HACD2: variants seen among roughly 807,000 people sequenced by gnomAD.
HACD2 encodes very-long-chain (3R)-3-hydroxyacyl-CoA dehydratase 2.
In HACD2, 15 loss-of-function variants were observed where a neutral mutation model predicts 31.0. The ratio of observed to expected loss-of-function variants is 0.48; its 90% CI spans 0.32 to 0.75. The LOEUF is 0.75. HACD2 is among the 30% of genes least tolerant of loss of function. The pLI is 0.03. For missense variants in HACD2, 283 were observed against 313.0 expected (o/e 0.90, Z 0.72); for synonymous variants, 115 against 122.2 (o/e 0.94, Z 0.39).
At chr3:123,555,667 A>G (rs553611078) in intron 3 of HACD2, among the ~76,000 whole-genome samples, 1 of 152,338 alleles carries the variant, frequency 6.6e-6, no homozygotes, top group Non-Finnish European at 1.5e-5. Context: ...GACTTGCTCT[A>G]TAGATTCAAC....
chr3:123,513,786 G>A (rs898492222), intron 4 of HACD2, among the ~76,000 whole-genome samples: 2 of 152,106 alleles, frequency 1.3e-5, no homozygotes, highest in Non-Finnish European at 2.9e-5. Context: ...TACATTGTTT[G>A]GACGGTTCGT....
rs769816425 is a variant in HACD2, at chr3:123,493,831, G to A, written c.*1057C>T. 1 of 152,172 alleles carries A rather than the reference G, an allele frequency of 6.6e-6. No individual in the cohort carries two copies. Among genetic ancestry groups the A allele is most frequent in the East Asian group, 1.9e-4 (1 of 5,200 alleles). The allele number at this position is 152,172 out of a possible 1,614,324, so 9.4% of individuals were successfully genotyped here. On this transcript the variant is annotated 3_prime_UTR_variant, in exon 7 of 7. Coordinates refer to ENST00000383657, the MANE Select transcript of HACD2 (RefSeq NM_198402.5). ...ACTGACTATGGACTTATAGCTTGGTGGAAATTAACATAGGAAGTTAATTAG... is the reference window on the plus strand; with the variant it reads ...ACTGACTATGGACTTATAGCTTGGTAGAAATTAACATAGGAAGTTAATTAG...
intron 3 of HACD2, among the ~76,000 whole-genome samples, chr3:123,539,266 T>C (rs1472994757): frequency 2.0e-5 from 3 of 152,046 alleles, no homozygotes; most frequent in Non-Finnish European, 4.4e-5. Context: ...AGCACTATAA[T>C]ACATAATAAA....
At chr3:123,528,299 C>A (rs1239285373) in intron 4 of HACD2, 87 bp downstream of exon 4, 3 of 821,330 alleles carry the variant, frequency 3.7e-6, no homozygotes, top group Non-Finnish European at 6.4e-6. Context: ...TGACCTGGAA[C>A]TCTTTAGCCA....
At chr3:123,569,720 G>T (rs952522954) in intron 2 of HACD2, among the ~76,000 whole-genome samples, 12 of 151,972 alleles carry the variant, frequency 7.9e-5, no homozygotes, top group Non-Finnish European at 1.5e-4. Context: ...AGGCATGGTG[G>T]CTCACGCGTA....
intron 3 of HACD2, among the ~76,000 whole-genome samples, chr3:123,564,859 G>A (rs978600663): frequency 2.0e-5 from 3 of 152,172 alleles, no homozygotes; most frequent in Non-Finnish European, 4.4e-5. Context: ...GGTCCTTGAG[G>A]ATATAAGAAG....
rs918153344 is a variant in HACD2, at chr3:123,585,035, G to T, written c.-8C>A. 2.7e-6 allele frequency: 4 copies of T among 1,472,438 alleles called. No homozygotes were observed. The highest frequency in any genetic ancestry group is 3.6e-6 in the Non-Finnish European group (4 of 1,113,730). 91.2% of individuals were successfully genotyped at this position (1,472,438 alleles called of 1,614,324 possible). Reference sequence around the variant, plus strand: ...CGCCGCCACTGCCGCCATGTCAAGTGCCCGAAGCCCGCTCTCCTAGCGCGA... The same window carrying T: ...CGCCGCCACTGCCGCCATGTCAAGTTCCCGAAGCCCGCTCTCCTAGCGCGA... On this transcript the variant is annotated 5_prime_UTR_variant, in exon 1 of 7. Coordinates refer to ENST00000383657, the MANE Select transcript of HACD2 (RefSeq NM_198402.5).
chr3:123,568,582 C>A (rs2056819630), intron 2 of HACD2, among the ~76,000 whole-genome samples: 1 of 152,202 alleles, frequency 6.6e-6, no homozygotes, highest in Non-Finnish European at 1.5e-5. Flanking sequence ...GCCATCTCCA[C>A]TCCATCTCAA....
At chr3:123,549,186 A>C (rs1024007893) in intron 3 of HACD2, among the ~76,000 whole-genome samples, 1 of 152,064 alleles carries the variant, frequency 6.6e-6, no homozygotes, top group Admixed American at 6.6e-5. Flanking sequence ...ATATTCGCTT[A>C]AGTCAATAAA....
At chr3:123,576,584 G>T (rs1292761131) in intron 2 of HACD2, among the ~76,000 whole-genome samples, 1 of 152,142 alleles carries the variant, frequency 6.6e-6, no homozygotes, top group African/African-American at 2.4e-5. Flanking sequence ...TCCTCAAAAT[G>T]GGTCCAGAAT....
intron 3 of HACD2, among the ~76,000 whole-genome samples, chr3:123,540,573 G>C (rs370068243): frequency 1.3e-5 from 2 of 152,318 alleles, no homozygotes. Flanking sequence ...GACACAGTGA[G>C]TCAATTGTAA....
intron 4 of HACD2, among the ~76,000 whole-genome samples, chr3:123,517,012 T>G (rs1263535649): frequency 6.6e-6 from 1 of 152,216 alleles, no homozygotes; most frequent in Non-Finnish European, 1.5e-5. Flanking sequence ...ATTTGTAAAC[T>G]GGAGAGGTCA....
chr3:123,546,640 A>T (rs755899392), intron 3 of HACD2, among the ~76,000 whole-genome samples: 2 of 152,226 alleles, frequency 1.3e-5, no homozygotes, highest in Non-Finnish European at 2.9e-5. Flanking sequence ...AGAAAGACAG[A>T]CTTCCTGTTA....
intron 2 of HACD2, among the ~76,000 whole-genome samples, chr3:123,574,167 T>C (rs929398305): frequency 2.0e-5 from 3 of 152,242 alleles, no homozygotes; most frequent in African/African-American, 7.2e-5. Context: ...CAGATAATCA[T>C]TCATTCATCA....
rs1012301382 is a variant in HACD2 at position 123,532,749 on chromosome 3, C to G, written c.293-4275G>C. 4.2e-5 allele frequency among the ~76,000 whole-genome samples: 6 copies of G among 141,302 alleles called. No individual in the cohort carries two copies. The South Asian group carries it at 1.4e-3, about 34-fold the overall frequency. The allele number at this position is 141,302 out of a possible 152,430, so 92.7% of individuals were successfully genotyped here. On this transcript the variant is annotated intron_variant, in intron 3 of 6. Transcript: ENST00000383657. ...TACTCGGGAGGCTGAGGCAGGAGAT[C>G]TCTTGAACCCGGGAGCAGAGTTTGC... is the stretch of plus-strand genomic sequence containing the variant.
At chr3:123,507,430 A>AC (rs2055990870) in intron 4 of HACD2, among the ~76,000 whole-genome samples, 1 of 152,228 alleles carries the variant, frequency 6.6e-6, no homozygotes, top group African/African-American at 2.4e-5. Flanking sequence ...ATTCAGCAAC[A>AC]TAAAGGTAAG....
At chr3:123,497,826 G>A (rs779101444) in intron 6 of HACD2, among the ~76,000 whole-genome samples, 5 of 152,154 alleles carry the variant, frequency 3.3e-5, no homozygotes, top group Admixed American at 2.6e-4. Flanking sequence ...GTGCAACAAC[G>A]CAACAACAGA....
At chr3:123,574,847 C>T (rs1354276010) in intron 2 of HACD2, among the ~76,000 whole-genome samples, 1 of 152,038 alleles carries the variant, frequency 6.6e-6, no homozygotes, top group Non-Finnish European at 1.5e-5. Flanking sequence ...GCTTTTATTC[C>T]CTATTGATTT....
intron 3 of HACD2, among the ~76,000 whole-genome samples, chr3:123,543,968 CACCAAGA>C (rs1184248263): frequency 2.0e-5 from 3 of 152,112 alleles, no homozygotes; most frequent in African/African-American, 7.2e-5. Context: ...ATAATCAAGG[CACCAAGA>C]ACTGTTTGGG....
Sources: allele counts gnomAD v4.1 joint callset (sites outside exome capture counted in the v4.1 genomes callset), GRCh38; gene constraint gnomAD v4.1.1; transcripts MANE v1.5; gene names NCBI Gene and HGNC (gene_info 2026-07-23, HGNC 2026-07-21).